The following OLFM2 variants were observed in gnomAD, a reference collection of about 807,000 sequenced individuals.
OLFM2 encodes olfactomedin 2.
A neutral mutation model predicts 43.9 loss-of-function variants in OLFM2; 20 were observed. That is an observed-to-expected ratio of 0.46 (90% CI 0.32 to 0.66). The LOEUF (loss-of-function observed/expected upper bound fraction) is 0.66, where lower values mean the gene tolerates loss of function less well. OLFM2 is among the 30% of genes least tolerant of loss of function. OLFM2 has a pLI of 0.04. For missense variants in OLFM2, 416 were observed against 643.6 expected (o/e 0.65, Z 3.83); for synonymous variants, 268 against 278.6 (o/e 0.96, Z 0.38).
chr19:9,926,420 C>T (rs1332625518), intron 1 of OLFM2, among the ~76,000 whole-genome samples: 4 of 151,834 alleles, frequency 2.6e-5, no homozygotes, highest in South Asian at 4.2e-4. Context: ...GGCGTGGTGG[C>T]GGCCGCCTGT....
At chr19:9,883,588 A>C (rs2046559603) in intron 1 of OLFM2, among the ~76,000 whole-genome samples, 1 of 152,056 alleles carries the variant, frequency 6.6e-6, no homozygotes, top group African/African-American at 2.4e-5. Context: ...GAGCCAGAGG[A>C]GGCTGAAGAC....
At chr19:9,892,676 G>C (rs1568377933) in intron 1 of OLFM2, among the ~76,000 whole-genome samples, 1 of 152,140 alleles carries the variant, frequency 6.6e-6, no homozygotes, top group Admixed American at 6.5e-5. Context: ...CTGGGTGACA[G>C]AGCAAGACTC....
chr19:9,897,004 C>T (rs2046691145), intron 1 of OLFM2, among the ~76,000 whole-genome samples: 2 of 152,026 alleles, frequency 1.3e-5, no homozygotes, highest in Admixed American at 6.6e-5. Context: ...CCAGCCCGGG[C>T]AACATAGCGA....
intron 1 of OLFM2, among the ~76,000 whole-genome samples, chr19:9,928,816 A>AG (rs2086467560): frequency 6.6e-6 from 1 of 150,412 alleles, no homozygotes; most frequent in Non-Finnish European, 1.5e-5. Flanking sequence ...AAAAAAAAAA[A>AG]AGAGAGAAAG....
Position 9,854,726 on chromosome 19 carries a change from G to A in OLFM2, c.825C>T (p.Asn275=), listed in dbSNP as rs369309693. ...GGTACTTGTTATAGAACAGGGAGCC[G>A]TTGTACACCACGTGGCCCGTGCCCG... The part of the protein sequence containing the change: ...PWAGTGHVVY[N]GSLFYNKYQS... Residue 275 remains asparagine (N), a synonymous_variant, in exon 6 of 6, where the codon AAC becomes AAT. Transcript: ENST00000264833. The surrounding 1 kb of genome is among the most constrained non-coding windows in gnomAD (Gnocchi z 9.5). 2.9e-5 allele frequency: 46 copies of A among 1,614,036 alleles called. No homozygotes were observed. Among genetic ancestry groups the A allele is most frequent in the Non-Finnish European group, 3.3e-5 (39 of 1,180,018 alleles).
At chr19:9,915,967 G>C (rs1395834249) in intron 1 of OLFM2, among the ~76,000 whole-genome samples, 3 of 152,218 alleles carry the variant, frequency 2.0e-5, no homozygotes, top group Non-Finnish European at 4.4e-5. Context: ...TGTAGTTGGA[G>C]TGAGCCAGGG....
Position 9,854,065 on chromosome 19 carries a change from A to G in OLFM2, c.*121T>C, listed in dbSNP as rs2046292570. On this transcript the variant is annotated 3_prime_UTR_variant, in exon 6 of 6. Coordinates refer to ENST00000264833, the MANE Select transcript of OLFM2 (RefSeq NM_058164.4). The surrounding 1 kb of genome is among the most constrained non-coding windows in gnomAD (Gnocchi z 9.5). ...AGGCAGAGAACAAAAGCCCAGCAAA[A>G]AGGCGGGGAGAAAGGGCGTGACAGA... 3.5e-6 allele frequency: 3 copies of G among 850,898 alleles called. No individual in the cohort carries two copies. The highest frequency in any genetic ancestry group is 5.5e-6 in the Non-Finnish European group (3 of 545,510). The allele number at this position is 850,898 out of a possible 1,614,324, so 52.7% of individuals were successfully genotyped here.
At chr19:9,877,603 CAG>C (rs2046502781) in intron 1 of OLFM2, among the ~76,000 whole-genome samples, 1 of 151,474 alleles carries the variant, frequency 6.6e-6, no homozygotes, top group Non-Finnish European at 1.5e-5. Context: ...AAAAAAGTAA[CAG>C]TGTTGAGAGG....
intron 1 of OLFM2, among the ~76,000 whole-genome samples, chr19:9,921,646 A>G (rs2145003192): frequency 6.6e-6 from 1 of 151,766 alleles, no homozygotes; most frequent in East Asian, 1.9e-4. Context: ...CCGCCACCAC[A>G]CCTGGCTATT....
At chr19:9,892,651 C>T (rs115091540) in intron 1 of OLFM2, among the ~76,000 whole-genome samples, 2 of 152,144 alleles carry the variant, frequency 1.3e-5, no homozygotes, top group Admixed American at 1.3e-4. Context: ...GCAGATGACG[C>T]CACTGCACTC....
chr19:9,859,226 T>C (rs996563534), intron 2 of OLFM2, among the ~76,000 whole-genome samples: 10 of 152,340 alleles, frequency 6.6e-5, no homozygotes, highest in East Asian at 5.8e-4. Flanking sequence ...TTCTCCACAG[T>C]TTCACGTTTC....
At position 9,932,477 on chromosome 19, in the gene OLFM2, A is replaced by G. The variant is rs549133703; in HGVS notation, c.63+3827T>C. On this transcript the variant is annotated intron_variant, in intron 1 of 5. Transcript: ENST00000264833. Reference sequence around the variant, plus strand: ...CTCAAAAAAAAAAAAAAAAAGAAAGAAAGAGAGAGAAAGAAAAAGAACACG... The same window carrying G: ...CTCAAAAAAAAAAAAAAAAAGAAAGGAAGAGAGAGAAAGAAAAAGAACACG... Among the ~76,000 whole-genome samples, 12 of 151,336 alleles carry G rather than the reference A, an allele frequency of 7.9e-5. No homozygotes were observed. The South Asian group carries it at 2.3e-3, about 29-fold the overall frequency.
chr19:9,919,698 T>C (rs988280177), intron 1 of OLFM2, among the ~76,000 whole-genome samples: 10 of 149,836 alleles, frequency 6.7e-5, no homozygotes, highest in Admixed American at 4.0e-4. Flanking sequence ...GCCAGGCTGG[T>C]CTCAAACTCC....
chr19:9,875,329 C>T (rs992632509), intron 1 of OLFM2, among the ~76,000 whole-genome samples: 11 of 152,174 alleles, frequency 7.2e-5, no homozygotes, highest in African/African-American at 2.7e-4. Flanking sequence ...GCTTCTCCTT[C>T]CCCAGCCTTC....
chr19:9,858,966 CACCTGGCTAAGGTAGACCTTT>C (rs1322454985), intron 2 of OLFM2, among the ~76,000 whole-genome samples: 13 of 151,920 alleles, frequency 8.6e-5, no homozygotes, highest in Non-Finnish European at 1.6e-4. Flanking sequence ...GGTAGACCCT[CACCTGGCTAAGGTAGACCTTT>C]ACCTGGCTAA....
At chr19:9,895,692 G>T (rs2046677635) in intron 1 of OLFM2, among the ~76,000 whole-genome samples, 1 of 152,014 alleles carries the variant, frequency 6.6e-6, no homozygotes, top group Non-Finnish European at 1.5e-5. Context: ...CTGGAGTGCA[G>T]TGGTGCCATC....
rs202166428 is a variant in OLFM2, at chr19:9,857,492, A to G, written c.361-10T>C. On this transcript the variant is annotated splice_polypyrimidine_tract_variant and intron_variant, in intron 3 of 5. Coordinates refer to ENST00000264833, the MANE Select transcript of OLFM2 (RefSeq NM_058164.4). The surrounding 1 kb of genome is among the most constrained non-coding windows in gnomAD (Gnocchi z 5.7). ...TCCTGTCCTTCAGCTCCTGTGCATC[A>G]AGATGGAACCATGGCCAAGCCTGAC... 2.5e-6 allele frequency: 4 copies of G among 1,612,976 alleles called. No homozygotes were observed. The highest frequency in any genetic ancestry group is 1.1e-5 in the South Asian group (1 of 91,006).
At chr19:9,866,803 C>T (rs756630995) in intron 1 of OLFM2, among the ~76,000 whole-genome samples, 2 of 152,112 alleles carry the variant, frequency 1.3e-5, no homozygotes, top group Non-Finnish European at 2.9e-5. Context: ...CCTGCCAACC[C>T]ACTCTCTCTT....
At chr19:9,877,426 T>G (rs1358759584) in intron 1 of OLFM2, among the ~76,000 whole-genome samples, 1 of 150,224 alleles carries the variant, frequency 6.7e-6, no homozygotes, top group Non-Finnish European at 1.5e-5. Context: ...CCAGCTACTC[T>G]GTAGGCCGAG....
Sources: gnomAD v4.1 joint callset for allele counts (sites outside exome capture counted in the v4.1 genomes callset) on GRCh38, gnomAD v4.1.1 for gene constraint, Gnocchi (gnomAD v3.1) non-coding constraint, MANE v1.5 for transcripts, NCBI Gene and HGNC (gene_info 2026-07-23, HGNC 2026-07-21) for gene names.